The following FBXL7 variants were observed in gnomAD, a reference collection of about 807,000 sequenced individuals.
FBXL7 encodes F-box and leucine rich repeat protein 7, also known as F-box/LRR-repeat protein 7.
Under a neutral mutation model 38.3 loss-of-function variants are expected in FBXL7, and 12 were observed. The observed-to-expected ratio is 0.31, with a 90% CI of 0.20 to 0.51. The LOEUF is 0.51. FBXL7 is among the 20% of genes least tolerant of loss of function. The probability of loss-of-function intolerance (pLI) is 0.98; values close to 1 mark genes in which losing one functional copy is unlikely to be tolerated. For synonymous variants in FBXL7, 297 were observed against 300.9 expected, an observed-to-expected ratio of 0.99 and a Z score of 0.13; for missense variants, 567 against 676.4, an observed-to-expected ratio of 0.84 and a Z score of 1.79.
intron 1 of FBXL7, among the ~76,000 whole-genome samples, chr5:15,603,257 G>T (rs1016735382): frequency 7.9e-5 from 12 of 152,000 alleles, no homozygotes; most frequent in African/African-American, 2.4e-4. Flanking sequence ...AATAAGTTTA[G>T]CATGTATTTT....
intron 1 of FBXL7, among the ~76,000 whole-genome samples, chr5:15,541,101 T>C (rs567270112): frequency 6.6e-6 from 1 of 151,916 alleles, no homozygotes; most frequent in East Asian, 1.9e-4. Context: ...AGTATGTATA[T>C]GCATATACAT....
chr5:15,510,669 C>G (rs558690657), intron 1 of FBXL7, among the ~76,000 whole-genome samples: 1 of 152,198 alleles, frequency 6.6e-6, no homozygotes, highest in Non-Finnish European at 1.5e-5. Context: ...CAATGTTCTA[C>G]TTAACTCTCT....
At chr5:15,628,385 C>T (rs1434843586) in intron 2 of FBXL7, among the ~76,000 whole-genome samples, 3 of 152,052 alleles carry the variant, frequency 2.0e-5, no homozygotes, top group Non-Finnish European at 4.4e-5. Context: ...GATGGTGGAG[C>T]GAAGATGTTT....
At chr5:15,588,574 A>C (rs1209340012) in intron 1 of FBXL7, among the ~76,000 whole-genome samples, 1 of 152,028 alleles carries the variant, frequency 6.6e-6, no homozygotes, top group Admixed American at 6.5e-5. Context: ...TTTAGTAGAG[A>C]CAGGGTTTCA....
chr5:15,806,110 A>G (rs906860309), intron 2 of FBXL7, among the ~76,000 whole-genome samples: 1 of 152,226 alleles, frequency 6.6e-6, no homozygotes, highest in Non-Finnish European at 1.5e-5. Flanking sequence ...CTGAAGAAGG[A>G]CAAAATGACT....
intron 1 of FBXL7, among the ~76,000 whole-genome samples, chr5:15,555,805 A>G (rs1738211555): frequency 6.6e-6 from 1 of 151,912 alleles, no homozygotes; most frequent in African/African-American, 2.4e-5. Flanking sequence ...ATAGATAGAT[A>G]GATAGATAGA....
intron 2 of FBXL7, among the ~76,000 whole-genome samples, chr5:15,698,006 A>G (rs533293474): frequency 1.3e-5 from 2 of 152,368 alleles, no homozygotes; most frequent in African/African-American, 4.8e-5. Context: ...ATGATTCACA[A>G]TCCTTATAAT....
chr5:15,559,854 C>T (rs779904177), intron 1 of FBXL7, among the ~76,000 whole-genome samples: 2 of 152,160 alleles, frequency 1.3e-5, no homozygotes, highest in African/African-American at 2.4e-5. Flanking sequence ...CATTTAGCAA[C>T]GCACATTAAG....
chr5:15,681,298 T>C (rs1028970870), intron 2 of FBXL7, among the ~76,000 whole-genome samples: 3 of 152,232 alleles, frequency 2.0e-5, no homozygotes, highest in Non-Finnish European at 2.9e-5. Context: ...GCTGATAATG[T>C]CAACAACACA....
chr5:15,791,828 C>CA (rs899795178), intron 2 of FBXL7, among the ~76,000 whole-genome samples: 4 of 152,096 alleles, frequency 2.6e-5, no homozygotes, highest in African/African-American at 9.7e-5. Context: ...AAATAGGAGC[C>CA]AGAGAGCAAA....
intron 2 of FBXL7, among the ~76,000 whole-genome samples, chr5:15,705,701 A>G (rs1743660976): frequency 6.6e-6 from 1 of 152,170 alleles, no homozygotes; most frequent in Non-Finnish European, 1.5e-5. Flanking sequence ...TGCTCAATTG[A>G]TGGATTGAAT....
intron 2 of FBXL7, among the ~76,000 whole-genome samples, chr5:15,917,466 GGCATGGCA>G (rs1260955391): frequency 1.3e-5 from 2 of 152,108 alleles, no homozygotes; most frequent in Non-Finnish European, 2.9e-5. Context: ...AAATGAGCCA[GGCATGGCA>G]GCATGTGCCT....
intron 2 of FBXL7, among the ~76,000 whole-genome samples, chr5:15,680,462 C>T (rs184355923): frequency 6.6e-6 from 1 of 152,202 alleles, no homozygotes; most frequent in East Asian, 1.9e-4. Context: ...GTTTCACCTT[C>T]CTGACTTATA....
chr5:15,805,560 A>T (rs900658593), intron 2 of FBXL7, among the ~76,000 whole-genome samples: 3 of 152,136 alleles, frequency 2.0e-5, no homozygotes, highest in African/African-American at 7.2e-5. Context: ...ATGATATCTA[A>T]TTACAAAGTT....
chr5:15,611,673 A>G (rs533580766), intron 1 of FBXL7, among the ~76,000 whole-genome samples: 1 of 152,268 alleles, frequency 6.6e-6, no homozygotes, highest in African/African-American at 2.4e-5. Flanking sequence ...GAACCTAAAT[A>G]TCTCAAGTTA....
intron 1 of FBXL7, among the ~76,000 whole-genome samples, chr5:15,570,631 A>G (rs1738746084): frequency 1.3e-5 from 2 of 152,184 alleles, no homozygotes; most frequent in Admixed American, 1.3e-4. Flanking sequence ...TACAGACCTG[A>G]GCCACCTCAT....
chr5:15,763,269 A>G (rs1484400568), intron 2 of FBXL7, among the ~76,000 whole-genome samples: 1 of 152,216 alleles, frequency 6.6e-6, no homozygotes, highest in African/African-American at 2.4e-5. Flanking sequence ...AGTGTATATC[A>G]TCTATGAAAT....
chr5:15,680,526 G>A (rs1455725769), intron 2 of FBXL7, among the ~76,000 whole-genome samples: 3 of 152,126 alleles, frequency 2.0e-5, no homozygotes, highest in Non-Finnish European at 4.4e-5. Context: ...CCTTTTATCA[G>A]TTGGTTAAGT....
At position 15,821,053 on chromosome 5, in the gene FBXL7, G is replaced by A. The variant is rs1738156183; in HGVS notation, c.128-106837G>A. 2.0e-5 allele frequency among the ~76,000 whole-genome samples: 3 copies of A among 152,104 alleles called. No homozygotes were observed. The South Asian group carries it at 6.2e-4, about 31-fold the overall frequency. ...CTGTCTTCCTGATGGCAAGGATACCGCTTATTCAACTTTGCTCCCCCATCC... is the reference window on the plus strand; with the variant it reads ...CTGTCTTCCTGATGGCAAGGATACCACTTATTCAACTTTGCTCCCCCATCC... On this transcript the variant is annotated intron_variant, in intron 2 of 3. Coordinates refer to ENST00000504595, the MANE Select transcript of FBXL7 (RefSeq NM_012304.5).
Sources: allele counts gnomAD v4.1 joint callset (sites outside exome capture counted in the v4.1 genomes callset), GRCh38; gene constraint gnomAD v4.1.1; transcripts MANE v1.5; gene names NCBI Gene and HGNC (gene_info 2026-07-23, HGNC 2026-07-21).